IGSF10: variants seen among roughly 807,000 people sequenced by gnomAD.
IGSF10 encodes the protein calvaria mechanical force protein 608.
In IGSF10, 126 loss-of-function variants were observed where a neutral mutation model predicts 128.2. That is an observed-to-expected ratio of 0.98 (90% confidence interval 0.85 to 1.14). The LOEUF (loss-of-function observed/expected upper bound fraction) is 1.14, where lower values mean the gene tolerates loss of function less well. Ranked by LOEUF, IGSF10 falls within the 50% of genes most tolerant of loss-of-function variation. The pLI is 0.00. For synonymous variants in IGSF10, 1,185 were observed against 1,146.2 expected, an observed-to-expected ratio of 1.03 and a Z score of -0.68; for missense variants, 3,295 against 3,149.8, an observed-to-expected ratio of 1.05 and a Z score of -1.10.
the IGSF10 span, among the ~76,000 whole-genome samples, chr3:151,502,050 C>A: frequency 3.3e-5 from 5 of 152,032 alleles, no homozygotes; most frequent in Non-Finnish European, 5.9e-5. Flanking sequence ...TTCCTACCCA[C>A]CCCCATATAT....
intron 5 of IGSF10, 87 bp from the exon 6 acceptor site, chr3:151,449,352 C>A: frequency 7.5e-7 from 1 of 1,326,856 alleles, no homozygotes. Flanking sequence ...TTGCTAGAAG[C>A]TGAAACAATT....
the IGSF10 span, among the ~76,000 whole-genome samples, chr3:151,470,428 C>A: frequency 6.6e-6 from 1 of 152,132 alleles, no homozygotes; most frequent in Admixed American, 6.5e-5. Context: ...CTTGGACTTG[C>A]AGGATGTTGC....
the IGSF10 span, among the ~76,000 whole-genome samples, chr3:151,482,936 G>A: frequency 6.6e-6 from 1 of 151,518 alleles, no homozygotes. Flanking sequence ...TGCTGGCCAA[G>A]AATATTATGC....
chr3:151,530,413 C>T, the IGSF10 span, among the ~76,000 whole-genome samples: 1 of 152,074 alleles, frequency 6.6e-6, no homozygotes, highest in Non-Finnish European at 1.5e-5. Flanking sequence ...ACATAATCAT[C>T]AGATTCACCA....
chr3:151,581,610 A>G, the IGSF10 span, among the ~76,000 whole-genome samples: 1 of 152,156 alleles, frequency 6.6e-6, no homozygotes, highest in Non-Finnish European at 1.5e-5. Flanking sequence ...TTTTCTTCCC[A>G]CTGCTAGAAG....
At position 151,446,719 on chromosome 3, in the gene IGSF10, T is replaced by G. The variant is rs1577669797; in HGVS notation, c.3262A>C (p.Thr1088Pro). The change falls in exon 6 of 8, where the codon ACC becomes CCC. Residue 1088 changes from threonine to proline, a missense_variant. By Grantham distance (38) the Thr-to-Pro change is conservative (BLOSUM62 -1). Coordinates refer to ENST00000282466, the MANE Select transcript of IGSF10 (RefSeq NM_178822.5). Reference protein sequence around the residue: ...ALSFPSAAPITFPKADIARVP... With the variant: ...ALSFPSAAPIPFPKADIARVP... Reference sequence around the variant, plus strand: ...CTAGCAATGTCAGCTTTGGGGAAGGTGATGGGAGCAGCACTTGGAAAAGAC... The same window carrying G: ...CTAGCAATGTCAGCTTTGGGGAAGGGGATGGGAGCAGCACTTGGAAAAGAC... 6.2e-7 allele frequency: 1 copy of G among 1,614,082 alleles called. No homozygotes were observed. The highest frequency in any genetic ancestry group is 8.5e-7 in the Non-Finnish European group (1 of 1,180,020).
the IGSF10 span, among the ~76,000 whole-genome samples, chr3:151,585,876 A>G: frequency 2.6e-5 from 4 of 152,322 alleles, no homozygotes; most frequent in East Asian, 7.7e-4. Flanking sequence ...ACAACAAATT[A>G]TTAAATAAGG....
At chr3:151,582,686 GTCTATCTA>G in the IGSF10 span, among the ~76,000 whole-genome samples, 1 of 151,834 alleles carries the variant, frequency 6.6e-6, no homozygotes, top group African/African-American at 2.4e-5. Flanking sequence ...TCTATTGTCT[GTCTATCTA>G]TCTATCTATC....
the IGSF10 span, among the ~76,000 whole-genome samples, chr3:151,595,252 T>C: frequency 5.3e-4 from 81 of 151,754 alleles, no homozygotes; most frequent in East Asian, 0.014. Context: ...GACCCAGTAA[T>C]CCCCCTCTTC....
At chr3:151,535,780 G>A in the IGSF10 span, among the ~76,000 whole-genome samples, 1 of 151,930 alleles carries the variant, frequency 6.6e-6, no homozygotes, top group Non-Finnish European at 1.5e-5. Context: ...ATTTTCTTTG[G>A]TTGCTTCATT....
the IGSF10 span, among the ~76,000 whole-genome samples, chr3:151,512,435 C>T: frequency 1.3e-5 from 2 of 152,022 alleles, no homozygotes; most frequent in African/African-American, 4.8e-5. Context: ...ACACAACATA[C>T]CAGAATCTCT....
Position 151,436,697 on chromosome 3 carries a change from C to G in IGSF10, c.7864G>C (p.Val2622Leu). Residue 2622 changes from valine (V) to leucine (L), a missense_variant, in exon 8 of 8, where the codon GTA becomes CTA. By Grantham distance (32) the Val-to-Leu change is conservative. Transcript: ENST00000282466. ...GACTTTATTATTTCATGTCAGATTA[C>G]TTGAATATACGTTGCTGCATAATCA... ...GSDYAATYIQ[V>L]I is the part of the protein sequence containing the mutation. The G allele has an allele frequency of 6.3e-7, 1 of 1,589,534 alleles. No homozygotes were observed. The highest frequency in any genetic ancestry group is 8.6e-7 in the Non-Finnish European group (1 of 1,168,138).
rs569247481 is a variant in IGSF10, at chr3:151,442,631, C to G, written c.5963+353G>C. 7.3e-5 allele frequency among the ~76,000 whole-genome samples: 11 copies of G among 150,244 alleles called. 1 individual carries two copies. In the South Asian group the frequency reaches 1.0e-3, roughly 14 times the overall value. On this transcript the variant is annotated intron_variant, in intron 7 of 7. Coordinates refer to ENST00000282466, the MANE Select transcript of IGSF10 (RefSeq NM_178822.5). ...CCTGAACTCCTGACCTCAGGTGATCCATCTGTCTCGGCCTCCCAAAGTGCT... is the reference window on the plus strand; with the variant it reads ...CCTGAACTCCTGACCTCAGGTGATCGATCTGTCTCGGCCTCCCAAAGTGCT...
At chr3:151,481,579 C>A in the IGSF10 span, among the ~76,000 whole-genome samples, 2 of 152,102 alleles carry the variant, frequency 1.3e-5, no homozygotes, top group South Asian at 4.2e-4. Context: ...TCAGAGCAAC[C>A]GACCCTGGCT....
rs1720548810 is a variant in IGSF10 at position 151,438,197 on chromosome 3, G to C, written c.6364C>G (p.Gln2122Glu). The C allele has an allele frequency of 6.2e-7, 1 of 1,613,904 alleles. No individual in the cohort carries two copies. Among genetic ancestry groups the C allele is most frequent in the Admixed American group, 1.7e-5 (1 of 59,992 alleles). Residue 2122 changes from glutamine (Q) to glutamate (E), a missense_variant, in exon 8 of 8, where the codon CAG becomes GAG. Coordinates refer to ENST00000282466, the MANE Select transcript of IGSF10 (RefSeq NM_178822.5). The part of the protein sequence containing the change: ...AEEGDYTCYA[Q>E]NTLGKDEMKV... ...ATTTCATCTTTCCCTAGGGTGTTCT[G>C]GGCATAGCAAGTATAATCTCCTTCC...
chr3:151,594,611 C>T, the IGSF10 span, among the ~76,000 whole-genome samples: 1 of 149,974 alleles, frequency 6.7e-6, no homozygotes, highest in Non-Finnish European at 1.5e-5. Context: ...CTTGAGCCAC[C>T]GCGCCCGGCC....
At chr3:151,462,541 G>C (rs368758582), upstream of IGSF10, among the ~76,000 whole-genome samples, 2 of 151,622 alleles carry the variant, frequency 1.3e-5, no homozygotes, top group East Asian at 2.0e-4. Context: ...CATTTTACAA[G>C]TAAGGTACAT....
chr3:151,542,541 A>C, the IGSF10 span, among the ~76,000 whole-genome samples: 1 of 152,080 alleles, frequency 6.6e-6, no homozygotes, highest in Non-Finnish European at 1.5e-5. Context: ...ATGCATGTGT[A>C]TTTTTCTTAA....
the IGSF10 span, among the ~76,000 whole-genome samples, chr3:151,580,532 T>A: frequency 2.0e-5 from 3 of 152,228 alleles, no homozygotes; most frequent in Non-Finnish European, 4.4e-5. Context: ...TGTTGAAGCA[T>A]TTTAATATTT....
Sources: gnomAD v4.1 joint callset for allele counts (sites outside exome capture counted in the v4.1 genomes callset) on GRCh38, gnomAD v4.1.1 for gene constraint, MANE v1.5 for transcripts, NCBI Gene and HGNC (gene_info 2026-07-23, HGNC 2026-07-21) for gene names.